Variants in VWA3A observed in about 807,000 individuals in gnomAD.
The protein encoded by VWA3A is von Willebrand factor A domain containing 3A.
In VWA3A, 134 loss-of-function variants were observed where a neutral mutation model predicts 160.4. The observed-to-expected ratio is 0.84, with a 90% confidence interval of 0.73 to 0.96. The LOEUF (loss-of-function observed/expected upper bound fraction) is 0.96. Among genes scored for constraint, VWA3A ranks in the 40% least tolerant of loss-of-function variants. The probability of loss-of-function intolerance (pLI) is 0.00; values close to 1 mark genes in which losing one functional copy is unlikely to be tolerated. For missense variants in VWA3A, 1,310 were observed against 1,447.9 expected, an observed-to-expected ratio of 0.90 and a Z score of 1.55; for synonymous variants, 476 against 543.4, an observed-to-expected ratio of 0.88 and a Z score of 1.72.
At chr16:22,099,794 G>C (rs985261630) in intron 3 of VWA3A, among the ~76,000 whole-genome samples, 2 of 152,158 alleles carry the variant, frequency 1.3e-5, no homozygotes, top group African/African-American at 4.8e-5. Flanking sequence ...AAACCAGGGG[G>C]CTGGGTACAG....
intron 12 of VWA3A, among the ~76,000 whole-genome samples, chr16:22,119,671 A>G (rs1384521059): frequency 6.6e-6 from 1 of 152,246 alleles, no homozygotes; most frequent in African/African-American, 2.4e-5. Flanking sequence ...CCCTGTCTCA[A>G]AAAAGAATTT....
chr16:22,135,910 C>T (rs1253798498), intron 21 of VWA3A, among the ~76,000 whole-genome samples: 1 of 152,128 alleles, frequency 6.6e-6, no homozygotes, highest in African/African-American at 2.4e-5. Context: ...CTGTCTCAGC[C>T]TCCCAAGTAG....
At chr16:22,115,832 G>GGGGA (rs2045621819) in intron 9 of VWA3A, among the ~76,000 whole-genome samples, 1 of 88,164 alleles carries the variant, frequency 1.1e-5, no homozygotes, top group Non-Finnish European at 2.8e-5. Context: ...GTGAGACCCA[G>GGGGA]GGAAGGAAGG....
chr16:22,114,253 C>A (rs545865952), intron 8 of VWA3A, among the ~76,000 whole-genome samples: 1 of 152,190 alleles, frequency 6.6e-6, no homozygotes, highest in Non-Finnish European at 1.5e-5. Context: ...AAAGAACAGA[C>A]CTCTTTCACT....
Position 22,142,700 on chromosome 16 carries a change from G to T in VWA3A, c.2527G>T (p.Gly843Cys). ...SVYKKYPQGRGLRRTSSSIDL... is the reference protein window; with the variant it reads ...SVYKKYPQGRCLRRTSSSIDL... ...GTACAAGAAGTACCCTCAAGGAAGG[G>T]GCTTGAGAAGGACTAGCTCTTCTAT... Residue 843 changes from glycine to cysteine, a missense_variant, in exon 25 of 34, where the codon GGC becomes TGC. Physicochemically the swap from Gly to Cys is radical, Grantham distance 159. Transcript: ENST00000389398. 3 of 1,573,930 alleles carry T rather than the reference G, an allele frequency of 1.9e-6. No individual in the cohort carries two copies. Among genetic ancestry groups the T allele is most frequent in the Non-Finnish European group, 2.6e-6 (3 of 1,158,782 alleles).
At chr16:22,152,685 A>C in intron 31 of VWA3A, 51 bp downstream of exon 31, 1 of 1,560,234 alleles carries the variant, frequency 6.4e-7, no homozygotes. Context: ...GCTCGATAAA[A>C]TATCAACAGG....
rs370351134 is a variant in VWA3A at position 22,146,539 on chromosome 16, C to A, written c.2839+195C>A. Among the ~76,000 whole-genome samples the A allele has an allele frequency of 1.4e-4, 22 of 152,210 alleles. No individual in the cohort carries two copies. The East Asian group carries it at 3.9e-3, about 27-fold the overall frequency. On this transcript the variant is annotated intron_variant, in intron 27 of 33. Transcript: ENST00000389398. ...TGGTGGCTCATGCCTGTAATCTCTG[C>A]ACTTTGGGAGGCCAAGGTGGGTGGA... is the stretch of plus-strand genomic sequence containing the variant.
rs890978487 is a variant in VWA3A at position 22,114,724 on chromosome 16, A to T, written c.690-623A>T. On this transcript the variant is annotated intron_variant, in intron 8 of 33. Transcript: ENST00000389398. ...ACACCTGTAATCCCAGCTGTCTGGG[A>T]GGCTAGGGAGGGGGACCTCTTGAGG... 2.0e-5 allele frequency among the ~76,000 whole-genome samples: 3 copies of T among 151,892 alleles called. No individual in the cohort carries two copies. The South Asian group carries it at 6.2e-4, about 31-fold the overall frequency.
chr16:22,155,973 A>G (rs373361990), intron 33 of VWA3A, 57 bp downstream of exon 33: 388 of 1,560,860 alleles, frequency 2.5e-4, no homozygotes, highest in Middle Eastern at 1.5e-3. Context: ...ACCAAGTGGC[A>G]TGCTCTATTT....
chr16:22,123,671 CCAG>C lies in VWA3A; in HGVS notation c.1500_1502del (p.Ser500del). The C allele has an allele frequency of 6.2e-7, 1 of 1,613,918 alleles. No individual in the cohort carries two copies. The highest frequency in any genetic ancestry group is 8.5e-7 in the Non-Finnish European group (1 of 1,179,860). On this transcript the variant is annotated inframe_deletion, in exon 16 of 34. Coordinates refer to ENST00000389398, the MANE Select transcript of VWA3A (RefSeq NM_173615.5). ...AGGCGGATTGAGTGGCTCTCCCTGGCCAGCAGAAGAATCTGGGGCACAGTCTGT... is the reference window on the plus strand; with the variant it reads ...AGGCGGATTGAGTGGCTCTCCCTGGCCAGAAGAATCTGGGGCACAGTCTGT...
At chr16:22,147,730 G>T in intron 27 of VWA3A, 2 of 697,886 alleles carry the variant, frequency 2.9e-6, no homozygotes, top group South Asian at 1.5e-5. Context: ...TGGGAACGGT[G>T]ACATAAAACC....
intron 22 of VWA3A, 187 bp downstream of exon 22, chr16:22,138,699 C>T: frequency 1.3e-6 from 1 of 760,250 alleles, no homozygotes; most frequent in Non-Finnish European, 2.1e-6. Flanking sequence ...GGCTCCTCAG[C>T]TCTCGGGGTC....
At chr16:22,116,993 G>A in intron 10 of VWA3A, 118 bp from the exon 11 acceptor site, 1 of 1,422,990 alleles carries the variant, frequency 7.0e-7, no homozygotes, top group Non-Finnish European at 9.7e-7. Flanking sequence ...CCCTGTGCCT[G>A]GTTCTCCCTT....
chr16:22,118,902 C>G lies in VWA3A; in HGVS notation c.991C>G (p.His331Asp). ...YYHCYSPKME[H>D]YTSRDMDELL... ...GTCTGATTGCTCTTGCCACCCTCAG[C>G]ACTACACCAGCCGGGACATGGATGA... Residue 331 changes from histidine to aspartate, a missense_variant and splice_region_variant, in exon 12 of 34, where the codon CAC (histidine) becomes GAC (aspartate). By Grantham distance (81) the His-to-Asp change is moderately conservative. Transcript: ENST00000389398. 3.7e-6 allele frequency: 6 copies of G among 1,613,756 alleles called. No individual in the cohort carries two copies. Among genetic ancestry groups the G allele is most frequent in the Non-Finnish European group, 5.1e-6 (6 of 1,179,816 alleles).
rs779237214 is a variant in VWA3A, at chr16:22,134,318, C to A, written c.2069-50C>A. 3 of 1,524,600 alleles carry A rather than the reference C, an allele frequency of 2.0e-6. No individual in the cohort carries two copies. The African/African-American group carries it at 4.1e-5, about 21-fold the overall frequency. 94.4% of individuals were successfully genotyped at this position (1,524,600 alleles called of 1,614,324 possible). On this transcript the variant is annotated intron_variant, in intron 20 of 33. Coordinates refer to ENST00000389398, the MANE Select transcript of VWA3A (RefSeq NM_173615.5). ...AGTATCCAGATGATGGGGACGCTTG[C>A]CAGGATCCACACCCTGTCTCACCTT... is the stretch of plus-strand genomic sequence containing the variant.
intron 30 of VWA3A, among the ~76,000 whole-genome samples, chr16:22,152,263 G>A (rs540130322): frequency 6.6e-6 from 1 of 152,180 alleles, no homozygotes; most frequent in Admixed American, 6.5e-5. Context: ...GTTTCAGGGG[G>A]TCCAGGCTAA....
chr16:22,103,156 C>T (rs568932287), intron 5 of VWA3A, among the ~76,000 whole-genome samples: 3 of 152,296 alleles, frequency 2.0e-5, no homozygotes, highest in African/African-American at 4.8e-5. Flanking sequence ...ACCTCAGCCT[C>T]CTGAGTAGCT....
chr16:22,131,678 C>T lies in VWA3A; in HGVS notation c.1821C>T (p.His607=). The T allele has an allele frequency of 6.2e-7, 1 of 1,614,026 alleles. No individual in the cohort carries two copies. Among genetic ancestry groups the T allele is most frequent in the South Asian group, 1.1e-5 (1 of 91,072 alleles). ...TAGACTTCAAGGACAAAGACAAACA[C>T]CAATCGCAGGGAATCTACCTCTTCA... ...VEVDFKDKDK[H]QSQGIYLFTG... The change falls in exon 19 of 34, where the codon CAC becomes CAT. Residue 607 remains histidine (H), a synonymous_variant. Coordinates refer to ENST00000389398, the MANE Select transcript of VWA3A (RefSeq NM_173615.5).
chr16:22,140,344 G>A (rs1427505687), intron 23 of VWA3A, 100 bp downstream of exon 23: 22 of 1,157,732 alleles, frequency 1.9e-5, no homozygotes, highest in Admixed American at 6.1e-5. Context: ...GTGGAAGCTC[G>A]TGCCTATAAT....
Sources: gnomAD v4.1 joint callset for allele counts (sites outside exome capture counted in the v4.1 genomes callset) on GRCh38, gnomAD v4.1.1 for gene constraint, MANE v1.5 for transcripts, NCBI Gene and HGNC (gene_info 2026-07-23, HGNC 2026-07-21) for gene names.